TENM3: variants seen among roughly 807,000 people sequenced by gnomAD.
TENM3 encodes teneurin transmembrane protein 3.
In TENM3, 63 loss-of-function variants were observed where a neutral mutation model predicts 255.1. The ratio of observed to expected loss-of-function variants is 0.25; its 90% CI spans 0.20 to 0.30. The LOEUF is 0.30. Ranked by LOEUF, TENM3 falls within the 10% of genes least tolerant of loss-of-function variation. The pLI, the probability that TENM3 is intolerant of heterozygous loss-of-function variation, is 1.00. For missense variants in TENM3, 2,929 were observed against 3,461.1 expected, an observed-to-expected ratio of 0.85 and a Z score of 3.86; for synonymous variants, 1,306 against 1,322.3, an observed-to-expected ratio of 0.99 and a Z score of 0.27.
the TENM3 span, among the ~76,000 whole-genome samples, chr4:182,050,353 A>C: frequency 6.6e-6 from 1 of 152,216 alleles, no homozygotes; most frequent in Non-Finnish European, 1.5e-5. Context: ...AGATGAATCA[A>C]ACATTTATCT....
At chr4:182,417,050 T>C (rs944109542) in intron 3 of TENM3, among the ~76,000 whole-genome samples, 1 of 152,172 alleles carries the variant, frequency 6.6e-6, no homozygotes, top group African/African-American at 2.4e-5. Context: ...CTCGGCTCAC[T>C]GCAAGCTCCG....
chr4:182,497,298 G>T (rs1177465767), intron 3 of TENM3, among the ~76,000 whole-genome samples: 3 of 151,670 alleles, frequency 2.0e-5, no homozygotes, highest in Non-Finnish European at 4.4e-5. Context: ...TGATCTGTCC[G>T]CCTCTACCTC....
intron 3 of TENM3, among the ~76,000 whole-genome samples, chr4:182,521,241 C>A (rs980418087): frequency 1.3e-5 from 2 of 152,326 alleles, no homozygotes; most frequent in Non-Finnish European, 1.5e-5. Flanking sequence ...CGTCACCATT[C>A]TTCTTCAGAG....
chr4:181,705,275 C>T, the TENM3 span, among the ~76,000 whole-genome samples: 2 of 152,120 alleles, frequency 1.3e-5, no homozygotes, highest in African/African-American at 2.4e-5. Flanking sequence ...AAGAGTTTAC[C>T]GATTAACTTT....
intron 1 of TENM3, among the ~76,000 whole-genome samples, chr4:182,272,079 CA>C (rs1410985128): frequency 1.3e-5 from 2 of 152,128 alleles, no homozygotes; most frequent in Non-Finnish European, 2.9e-5. Context: ...GAACATAACC[CA>C]AAATTTTGGT....
At chr4:182,485,136 G>T (rs1734576561) in intron 3 of TENM3, among the ~76,000 whole-genome samples, 1 of 152,068 alleles carries the variant, frequency 6.6e-6, no homozygotes, top group Non-Finnish European at 1.5e-5. Context: ...ATATAAATCA[G>T]TATTTTCTGG....
the TENM3 span, among the ~76,000 whole-genome samples, chr4:181,868,528 G>A: frequency 4.6e-5 from 7 of 152,212 alleles, no homozygotes; most frequent in South Asian, 2.1e-4. Flanking sequence ...ATCGAGGGTC[G>A]CTACTGCTTA....
At chr4:181,519,999 C>CA in the TENM3 span, among the ~76,000 whole-genome samples, 1 of 152,146 alleles carries the variant, frequency 6.6e-6, no homozygotes, top group South Asian at 2.1e-4. Flanking sequence ...ATATTTGCAG[C>CA]AAAAAATACC....
At chr4:181,637,183 G>T in the TENM3 span, among the ~76,000 whole-genome samples, 1 of 151,744 alleles carries the variant, frequency 6.6e-6, no homozygotes, top group Non-Finnish European at 1.5e-5. Flanking sequence ...TTTTTCCTCT[G>T]CAAAATTAGT....
intron 3 of TENM3, among the ~76,000 whole-genome samples, chr4:182,542,356 A>G (rs1242226565): frequency 6.6e-6 from 1 of 152,210 alleles, no homozygotes; most frequent in Non-Finnish European, 1.5e-5. Flanking sequence ...CCTGAGGCAC[A>G]GCTTACCTGG....
the TENM3 span, among the ~76,000 whole-genome samples, chr4:181,572,427 GA>G: frequency 6.6e-6 from 1 of 151,960 alleles, no homozygotes; most frequent in Non-Finnish European, 1.5e-5. Context: ...GTTAGAAAAA[GA>G]AAAAAATAGT....
At chr4:182,006,667 CA>C in the TENM3 span, among the ~76,000 whole-genome samples, 5 of 148,090 alleles carry the variant, frequency 3.4e-5, no homozygotes, top group African/African-American at 9.9e-5. Flanking sequence ...TTAATTTTTT[CA>C]AAAAAAAACA....
intron 19 of TENM3, among the ~76,000 whole-genome samples, chr4:182,745,766 T>G (rs1282632611): frequency 6.6e-6 from 1 of 152,096 alleles, no homozygotes; most frequent in East Asian, 1.9e-4. Context: ...AAAGCAAGAC[T>G]TATTTCACAA....
At chr4:182,484,372 CAT>C (rs1365122109) in intron 3 of TENM3, among the ~76,000 whole-genome samples, 1 of 152,146 alleles carries the variant, frequency 6.6e-6, no homozygotes, top group Non-Finnish European at 1.5e-5. Flanking sequence ...CCATACTTCT[CAT>C]GTGTATAGAG....
the TENM3 span, among the ~76,000 whole-genome samples, chr4:181,660,130 G>A: frequency 6.6e-6 from 1 of 152,054 alleles, no homozygotes; most frequent in Non-Finnish European, 1.5e-5. Context: ...CTTTTTATCA[G>A]CAATGAAACG....
the TENM3 span, among the ~76,000 whole-genome samples, chr4:181,791,208 G>A: frequency 8.9e-3 from 1,350 of 152,278 alleles, 20 homozygotes; most frequent in African/African-American, 0.031. Flanking sequence ...AACACGGGCC[G>A]TGCAGCTACT....
chr4:182,119,062 G>A, the TENM3 span, among the ~76,000 whole-genome samples: 7 of 152,096 alleles, frequency 4.6e-5, no homozygotes, highest in South Asian at 2.1e-4. Flanking sequence ...CTTTGGACTG[G>A]AACTGTTGTC....
At chr4:182,539,758 A>T (rs1157281726) in intron 3 of TENM3, among the ~76,000 whole-genome samples, 1 of 152,192 alleles carries the variant, frequency 6.6e-6, no homozygotes, top group Non-Finnish European at 1.5e-5. Context: ...GGTTCTGGGA[A>T]TATAAATGTG....
At chr4:182,327,624 G>A (rs1468914395) in intron 2 of TENM3, among the ~76,000 whole-genome samples, 1 of 152,162 alleles carries the variant, frequency 6.6e-6, no homozygotes, top group Non-Finnish European at 1.5e-5. Flanking sequence ...CAGTCATTGT[G>A]TAATTTGACG....
Sources: gnomAD v4.1 joint callset for allele counts (sites outside exome capture counted in the v4.1 genomes callset) on GRCh38, gnomAD v4.1.1 for gene constraint, MANE v1.5 for transcripts, NCBI Gene and HGNC (gene_info 2026-07-23, HGNC 2026-07-21) for gene names.